CNTNAP5: variants seen among roughly 807,000 people sequenced by gnomAD.
The protein encoded by CNTNAP5 is contactin associated protein family member 5, also known as contactin-associated protein-like 5.
Under a neutral mutation model 150.2 loss-of-function variants are expected in CNTNAP5, and 72 were observed. The ratio of observed to expected loss-of-function variants is 0.48; its 90% CI spans 0.40 to 0.58. The LOEUF (loss-of-function observed/expected upper bound fraction) is 0.58, where lower values mean the gene tolerates loss of function less well. Among genes scored for constraint, CNTNAP5 ranks in the 20% least tolerant of loss-of-function variants. The pLI is 0.00. For missense variants in CNTNAP5, 1,636 were observed against 1,626.2 expected, an observed-to-expected ratio of 1.01 and a Z score of -0.10; for synonymous variants, 672 against 619.8, an observed-to-expected ratio of 1.08 and a Z score of -1.25.
At chr2:124,113,504 A>ATGTGTGTG (rs199692680) in intron 1 of CNTNAP5, among the ~76,000 whole-genome samples, 5,030 of 115,042 alleles carry the variant, frequency 0.044, 142 homozygotes, top group South Asian at 0.17. Flanking sequence ...TGATACATAT[A>ATGTGTGTG]TATGTGTGTG....
At chr2:124,535,634 G>T (rs1695213295) in intron 10 of CNTNAP5, among the ~76,000 whole-genome samples, 1 of 150,016 alleles carries the variant, frequency 6.7e-6, no homozygotes, top group Non-Finnish European at 1.5e-5. Flanking sequence ...AAAATTAGCT[G>T]GGTGTGGTTC....
intron 3 of CNTNAP5, among the ~76,000 whole-genome samples, chr2:124,382,262 G>A (rs1690815380): frequency 6.6e-6 from 1 of 152,120 alleles, no homozygotes; most frequent in African/African-American, 2.4e-5. Context: ...TCAGATGCAG[G>A]CACAGAGAGA....
chr2:124,297,934 TC>T (rs2104642527), intron 3 of CNTNAP5, among the ~76,000 whole-genome samples: 1 of 151,738 alleles, frequency 6.6e-6, no homozygotes, highest in African/African-American at 2.4e-5. Context: ...AACCTCCGCC[TC>T]CCGGGTTCAA....
intron 8 of CNTNAP5, among the ~76,000 whole-genome samples, chr2:124,507,653 G>T (rs1694444787): frequency 6.6e-6 from 1 of 152,084 alleles, no homozygotes; most frequent in South Asian, 2.1e-4. Flanking sequence ...TTAAATGTTT[G>T]GACTCTCAGT....
At chr2:124,116,501 C>T (rs184861355) in intron 1 of CNTNAP5, among the ~76,000 whole-genome samples, 7 of 152,270 alleles carry the variant, frequency 4.6e-5, no homozygotes, top group Non-Finnish European at 1.0e-4. Flanking sequence ...TACTTAGTCC[C>T]CTGAGGTGAG....
intron 13 of CNTNAP5, among the ~76,000 whole-genome samples, chr2:124,717,200 G>T (rs1679962214): frequency 6.6e-6 from 1 of 152,180 alleles, no homozygotes; most frequent in Non-Finnish European, 1.5e-5. Context: ...TGGTGATTCA[G>T]AGGTGACGGA....
At chr2:124,211,433 A>G (rs950019228) in intron 1 of CNTNAP5, among the ~76,000 whole-genome samples, 4 of 152,188 alleles carry the variant, frequency 2.6e-5, no homozygotes, top group African/African-American at 9.6e-5. Flanking sequence ...TTCCCAAAGG[A>G]CACATAATTA....
intron 21 of CNTNAP5, among the ~76,000 whole-genome samples, chr2:124,875,624 A>G (rs908592881): frequency 6.6e-6 from 1 of 151,916 alleles, no homozygotes; most frequent in African/African-American, 2.4e-5. Context: ...GGTATTTAGC[A>G]TATACTCAAG....
chr2:124,251,632 A>G (rs1687181930), intron 3 of CNTNAP5, among the ~76,000 whole-genome samples: 1 of 152,154 alleles, frequency 6.6e-6, no homozygotes, highest in Non-Finnish European at 1.5e-5. Context: ...ATTCAAGAGT[A>G]GAATGTGGAA....
At position 124,646,996 on chromosome 2, in the gene CNTNAP5, T is replaced by A. The variant is rs534406873; in HGVS notation, c.1877-762T>A. Among the ~76,000 whole-genome samples, 6 of 152,256 alleles carry A rather than the reference T, an allele frequency of 3.9e-5. No individual in the cohort carries two copies. The East Asian group carries it at 1.2e-3, about 29-fold the overall frequency. On this transcript the variant is annotated intron_variant, in intron 12 of 23. Coordinates refer to ENST00000682447, the MANE Select transcript of CNTNAP5 (RefSeq NM_001367498.1). ...TCTTTAAAAATAAAAATTTTTTTAATAAAAGGAAGTGATTTATCCAAGCTT... is the reference window on the plus strand; with the variant it reads ...TCTTTAAAAATAAAAATTTTTTTAAAAAAAGGAAGTGATTTATCCAAGCTT...
At chr2:124,145,827 AAG>A (rs1553441852) in intron 1 of CNTNAP5, among the ~76,000 whole-genome samples, 123 of 2,718 alleles carry the variant, frequency 0.045, 1 homozygote, top group Admixed American at 0.13. Flanking sequence ...AAAAAAAAAA[AAG>A]AAGAAAAAAA....
intron 3 of CNTNAP5, among the ~76,000 whole-genome samples, chr2:124,364,819 A>T (rs1217537800): frequency 6.6e-6 from 1 of 152,184 alleles, no homozygotes; most frequent in African/African-American, 2.4e-5. Flanking sequence ...AATGGAGGAT[A>T]ATACAGTAGA....
intron 3 of CNTNAP5, among the ~76,000 whole-genome samples, chr2:124,386,481 C>T (rs950239183): frequency 2.4e-4 from 36 of 152,328 alleles, no homozygotes; most frequent in African/African-American, 8.4e-4. Flanking sequence ...CAAGCAGTCT[C>T]TTCCATAGTT....
chr2:124,855,020 G>A (rs1334301753), intron 19 of CNTNAP5, among the ~76,000 whole-genome samples: 1 of 152,088 alleles, frequency 6.6e-6, no homozygotes, highest in Non-Finnish European at 1.5e-5. Flanking sequence ...GCAAGGAAAA[G>A]CATTTGGAGG....
rs548690552 is a variant in CNTNAP5, at chr2:124,366,606, G to A, written c.382-50837G>A. On this transcript the variant is annotated intron_variant, in intron 3 of 23. Coordinates refer to ENST00000682447, the MANE Select transcript of CNTNAP5 (RefSeq NM_001367498.1). The stretch of plus-strand genomic sequence containing the variant: ...TGAAGGGAACTTTCTTTAAAGAGAA[G>A]CAGTAGCGTGACTTTTGCCCAATTC... Among the ~76,000 whole-genome samples the A allele has an allele frequency of 3.0e-3, 456 of 152,246 alleles. 4 individuals are homozygous for A. The highest frequency in any genetic ancestry group is 0.01 in the African/African-American group (436 of 41,560).
intron 7 of CNTNAP5, among the ~76,000 whole-genome samples, chr2:124,493,371 C>T (rs1322938224): frequency 1.3e-5 from 2 of 151,356 alleles, no homozygotes; most frequent in Admixed American, 6.6e-5. Context: ...GACAGAATCT[C>T]GCTTTGTCAC....
chr2:124,390,865 G>A (rs1426831515), intron 3 of CNTNAP5, among the ~76,000 whole-genome samples: 1 of 152,142 alleles, frequency 6.6e-6, no homozygotes, highest in Non-Finnish European at 1.5e-5. Context: ...CATTCAGGAA[G>A]AGGTACCTAC....
intron 3 of CNTNAP5, among the ~76,000 whole-genome samples, chr2:124,247,713 A>C (rs539324590): frequency 1.3e-5 from 2 of 152,298 alleles, no homozygotes; most frequent in South Asian, 4.1e-4. Flanking sequence ...GATATAAGAT[A>C]TAGCTGGTTA....
intron 16 of CNTNAP5, among the ~76,000 whole-genome samples, chr2:124,764,813 T>C (rs1681032938): frequency 6.6e-6 from 1 of 152,130 alleles, no homozygotes; most frequent in Admixed American, 6.6e-5. Flanking sequence ...AATATTCCAA[T>C]ACTAATAAAA....
Sources: gnomAD v4.1 joint callset for allele counts (sites outside exome capture counted in the v4.1 genomes callset) on GRCh38, gnomAD v4.1.1 for gene constraint, MANE v1.5 for transcripts, NCBI Gene and HGNC (gene_info 2026-07-23, HGNC 2026-07-21) for gene names.